The following KCNIP4 variants were observed in gnomAD, a reference collection of about 807,000 sequenced individuals.
KCNIP4 encodes Kv channel-interacting protein 4.
A neutral mutation model predicts 34.0 loss-of-function variants in KCNIP4; 12 were observed. The observed-to-expected ratio is 0.35, with a 90% CI of 0.23 to 0.57. The LOEUF (loss-of-function observed/expected upper bound fraction) is 0.57. Ranked by LOEUF, KCNIP4 falls within the 20% of genes least tolerant of loss-of-function variation. The pLI is 0.83. For synonymous variants in KCNIP4, 124 were observed against 102.2 expected (o/e 1.21, Z -1.29); for missense variants, 238 against 311.7 (o/e 0.76, Z 1.78).
chr4:21,506,740 A>G (rs1419409408), intron 1 of KCNIP4, among the ~76,000 whole-genome samples: 1 of 152,242 alleles, frequency 6.6e-6, no homozygotes, highest in African/African-American at 2.4e-5. Context: ...AAATGTTCTA[A>G]TAGTCACATT....
chr4:21,819,719 TG>T (rs1327086498), intron 1 of KCNIP4, among the ~76,000 whole-genome samples: 1 of 152,136 alleles, frequency 6.6e-6, no homozygotes, highest in African/African-American at 2.4e-5. Flanking sequence ...ATGTGTGCTG[TG>T]GGGTAAGGGA....
intron 2 of KCNIP4, among the ~76,000 whole-genome samples, chr4:20,879,682 CTA>C (rs1724463825): frequency 6.6e-6 from 1 of 152,110 alleles, no homozygotes; most frequent in African/African-American, 2.4e-5. Context: ...TAACAAATGA[CTA>C]TAAAAGGTAT....
At chr4:21,455,021 C>G (rs1029919199) in intron 1 of KCNIP4, among the ~76,000 whole-genome samples, 1 of 152,014 alleles carries the variant, frequency 6.6e-6, no homozygotes, top group African/African-American at 2.4e-5. Flanking sequence ...CCCTCAGTCC[C>G]AGGCAAACAA....
At chr4:21,257,749 CAA>C (rs34379604) in intron 1 of KCNIP4, among the ~76,000 whole-genome samples, 23 of 103,462 alleles carry the variant, frequency 2.2e-4, no homozygotes, top group Non-Finnish European at 2.5e-4. Context: ...GACTCAGTCT[CAA>C]AAAAAAAAAA....
At chr4:21,135,749 C>T (rs1751451401) in intron 1 of KCNIP4, among the ~76,000 whole-genome samples, 1 of 152,150 alleles carries the variant, frequency 6.6e-6, no homozygotes. Flanking sequence ...AAATCTTGGG[C>T]TCGAAAGCCT....
chr4:21,806,425 A>G (rs563006808), intron 1 of KCNIP4, among the ~76,000 whole-genome samples: 2 of 152,358 alleles, frequency 1.3e-5, no homozygotes, highest in Admixed American at 6.5e-5. Context: ...ACTCAGAAGT[A>G]AAAAAGTGTG....
chr4:21,419,822 C>A (rs1189989462), intron 1 of KCNIP4, among the ~76,000 whole-genome samples: 1 of 152,046 alleles, frequency 6.6e-6, no homozygotes, highest in African/African-American at 2.4e-5. Flanking sequence ...ATTATGAGAC[C>A]AAATCCTCCA....
chr4:21,002,725 T>C (rs1738249434), intron 1 of KCNIP4, among the ~76,000 whole-genome samples: 1 of 152,194 alleles, frequency 6.6e-6, no homozygotes, highest in Non-Finnish European at 1.5e-5. Context: ...ATGATTGCGA[T>C]GCAAGCTCAA....
At chr4:20,783,814 A>T (rs537516841) in intron 3 of KCNIP4, among the ~76,000 whole-genome samples, 2 of 152,188 alleles carry the variant, frequency 1.3e-5, no homozygotes, top group African/African-American at 4.8e-5. Flanking sequence ...GATACCTCTT[A>T]ATTTTTTATA....
chr4:21,578,332 CAAAAAAAAA>C (rs71191522), intron 1 of KCNIP4, among the ~76,000 whole-genome samples: 31 of 75,126 alleles, frequency 4.1e-4, no homozygotes, highest in Non-Finnish European at 3.9e-4. Context: ...GACTCCGTCT[CAAAAAAAAA>C]AAAAAAAAAA....
intron 1 of KCNIP4, among the ~76,000 whole-genome samples, chr4:21,840,386 T>C (rs1414387797): frequency 1.3e-5 from 2 of 152,160 alleles, no homozygotes; most frequent in Admixed American, 6.6e-5. Flanking sequence ...TTTTATTTTA[T>C]GTGCAGAACA....
intron 1 of KCNIP4, among the ~76,000 whole-genome samples, chr4:21,032,863 T>C (rs1332790574): frequency 6.6e-6 from 1 of 152,086 alleles, no homozygotes; most frequent in Non-Finnish European, 1.5e-5. Context: ...GTTCAGAGAT[T>C]TCACATCAGG....
intron 1 of KCNIP4, among the ~76,000 whole-genome samples, chr4:21,491,551 T>A (rs1208260090): frequency 6.6e-6 from 1 of 152,060 alleles, no homozygotes; most frequent in Non-Finnish European, 1.5e-5. Context: ...ATTTTTTTTA[T>A]TTTTATTAAA....
intron 1 of KCNIP4, among the ~76,000 whole-genome samples, chr4:21,227,113 C>T (rs1050890446): frequency 1.3e-5 from 2 of 152,168 alleles, no homozygotes; most frequent in Non-Finnish European, 2.9e-5. Flanking sequence ...AGTGTAACAA[C>T]AAATGCTTGC....
chr4:21,341,064 C>T (rs898417445), intron 1 of KCNIP4, among the ~76,000 whole-genome samples: 1 of 152,014 alleles, frequency 6.6e-6, no homozygotes, highest in Non-Finnish European at 1.5e-5. Flanking sequence ...CATGTGAAAA[C>T]ACACAGCGGA....
chr4:21,428,332 C>T (rs1375205313), intron 1 of KCNIP4, among the ~76,000 whole-genome samples: 2 of 152,260 alleles, frequency 1.3e-5, no homozygotes, highest in East Asian at 3.9e-4. Flanking sequence ...ACACAATTGT[C>T]CAGTAGGCTC....
intron 1 of KCNIP4, among the ~76,000 whole-genome samples, chr4:21,326,728 CCTTT>C (rs1389977947): frequency 6.6e-6 from 1 of 150,526 alleles, no homozygotes; most frequent in Non-Finnish European, 1.5e-5. Context: ...TTTTTTCCTT[CCTTT>C]CTGTCTTCCT....
intron 1 of KCNIP4, among the ~76,000 whole-genome samples, chr4:21,807,624 G>A (rs764893434): frequency 8.5e-5 from 13 of 152,142 alleles, no homozygotes; most frequent in Admixed American, 2.0e-4. Context: ...GTGGCTTAAG[G>A]TTGATGAGAA....
At chr4:21,361,173 A>G (rs1039197964) in intron 1 of KCNIP4, among the ~76,000 whole-genome samples, 2 of 152,072 alleles carry the variant, frequency 1.3e-5, no homozygotes, top group African/African-American at 4.8e-5. Context: ...CTTAGGGTTA[A>G]AGACAAGCAC....
Sources: gnomAD v4.1 joint callset for allele counts (sites outside exome capture counted in the v4.1 genomes callset) on GRCh38, gnomAD v4.1.1 for gene constraint, MANE v1.5 for transcripts, NCBI Gene and HGNC (gene_info 2026-07-23, HGNC 2026-07-21) for gene names.